Variants in SOX5 observed in about 807,000 individuals in gnomAD.
SOX5 encodes the protein transcription factor SOX-5.
A neutral mutation model predicts 92.0 loss-of-function variants in SOX5; 9 were observed. The observed-to-expected ratio is 0.10, with a 90% confidence interval of 0.06 to 0.17. The LOEUF (loss-of-function observed/expected upper bound fraction) is 0.17. Ranked by LOEUF, SOX5 falls within the 10% of genes least tolerant of loss-of-function variation. The probability of loss-of-function intolerance (pLI) is 1.00; values close to 1 mark genes in which losing one functional copy is unlikely to be tolerated. For synonymous variants in SOX5, 344 were observed against 336.3 expected (o/e 1.02, Z -0.25); for missense variants, 642 against 944.5 (o/e 0.68, Z 4.20).
At chr12:24,248,552 T>G (rs1437787025) in intron 3 of SOX5, among the ~76,000 whole-genome samples, 1 of 152,144 alleles carries the variant, frequency 6.6e-6, no homozygotes, top group Non-Finnish European at 1.5e-5. Flanking sequence ...GCTCGGCTAA[T>G]TTTTATATTT....
chr12:24,380,166 G>A (rs561003650), intron 1 of SOX5, among the ~76,000 whole-genome samples: 3 of 152,260 alleles, frequency 2.0e-5, no homozygotes, highest in Admixed American at 6.5e-5. Flanking sequence ...TAATTGTTTC[G>A]AAACAACAGA....
chr12:23,852,840 A>G (rs986065375), intron 2 of SOX5, among the ~76,000 whole-genome samples: 1 of 152,122 alleles, frequency 6.6e-6, no homozygotes, highest in East Asian at 1.9e-4. Context: ...TCAGATGTTC[A>G]GGAGGTGGAG....
intron 4 of SOX5, among the ~76,000 whole-genome samples, chr12:24,161,776 G>A (rs1952784055): frequency 6.6e-6 from 1 of 152,008 alleles, no homozygotes; most frequent in Admixed American, 6.6e-5. Flanking sequence ...TGAGGGTCCA[G>A]GGAAAAGGGA....
chr12:23,755,590 C>T, intron 4 of SOX5, 48 bp downstream of exon 4: 5 of 1,330,786 alleles, frequency 3.8e-6, no homozygotes, highest in Non-Finnish European at 5.3e-6. Context: ...TTCTGAATAT[C>T]AACTTCATTT....
At chr12:23,938,066 A>G (rs770330155) in intron 1 of SOX5, among the ~76,000 whole-genome samples, 1 of 150,910 alleles carries the variant, frequency 6.6e-6, no homozygotes, top group Non-Finnish European at 1.5e-5. Context: ...GCAGCATTTT[A>G]GACAACTGGC....
intron 11 of SOX5, among the ~76,000 whole-genome samples, chr12:23,556,110 C>T (rs749699312): frequency 3.9e-5 from 6 of 152,102 alleles, no homozygotes. Context: ...GTTTTCCTCT[C>T]CCCTCCTGTC....
intron 9 of SOX5, among the ~76,000 whole-genome samples, chr12:23,593,760 T>C (rs1240067127): frequency 6.6e-6 from 1 of 152,114 alleles, no homozygotes; most frequent in East Asian, 1.9e-4. Context: ...TTGGTGTTTT[T>C]CTTTGTTAAG....
intron 1 of SOX5, among the ~76,000 whole-genome samples, chr12:23,916,034 TA>T: frequency 6.6e-6 from 1 of 152,228 alleles, no homozygotes; most frequent in African/African-American, 2.4e-5. Flanking sequence ...ACCATGAGGT[TA>T]AACCCAAAAA....
chr12:24,130,531 G>C (rs1213634748), intron 4 of SOX5, among the ~76,000 whole-genome samples: 1 of 152,120 alleles, frequency 6.6e-6, no homozygotes, highest in Non-Finnish European at 1.5e-5. Flanking sequence ...TCATTTCAAT[G>C]AATGAAGTTG....
At chr12:24,416,761 G>T (rs1039073761) in intron 1 of SOX5, among the ~76,000 whole-genome samples, 1 of 152,196 alleles carries the variant, frequency 6.6e-6, no homozygotes, top group African/African-American at 2.4e-5. Context: ...ATGTAGCAAA[G>T]TTGTTACTAG....
At chr12:23,608,308 T>C (rs988125960) in intron 8 of SOX5, among the ~76,000 whole-genome samples, 6 of 152,064 alleles carry the variant, frequency 3.9e-5, no homozygotes, top group African/African-American at 1.4e-4. Context: ...AGTCTTTCTA[T>C]TGCTTAAAAC....
chr12:24,090,106 G>A lies in SOX5; in HGVS notation c.-2+123237C>T, dbSNP rs897454853. 2.6e-5 allele frequency among the ~76,000 whole-genome samples: 4 copies of A among 151,998 alleles called. No individual in the cohort carries two copies. In the East Asian group the frequency reaches 7.7e-4, roughly 29 times the overall value. Reference sequence around the variant, plus strand: ...AGCATTGTAACATTTCATTTAAAATGTCTAGAAATCCCCAGAATATGGAGA... The same window carrying A: ...AGCATTGTAACATTTCATTTAAAATATCTAGAAATCCCCAGAATATGGAGA... On this transcript the variant is annotated intron_variant, in intron 4 of 4. Coordinates refer to the SOX5 transcript ENST00000446891.
At chr12:24,253,171 G>T (rs895036318) in intron 3 of SOX5, among the ~76,000 whole-genome samples, 4 of 151,994 alleles carry the variant, frequency 2.6e-5, no homozygotes, top group African/African-American at 9.7e-5. Flanking sequence ...GCGTATTCCT[G>T]CCAAGCTGCT....
intron 7 of SOX5, 75 bp downstream of exon 7, chr12:23,665,368 TG>T: frequency 6.8e-7 from 1 of 1,481,336 alleles, no homozygotes. Context: ...TTTCTTGGTG[TG>T]GCAGGAATAT....
At chr12:24,274,928 G>T (rs1944258726) in intron 3 of SOX5, among the ~76,000 whole-genome samples, 1 of 152,130 alleles carries the variant, frequency 6.6e-6, no homozygotes, top group African/African-American at 2.4e-5. Flanking sequence ...CTGAACTGTA[G>T]CACGGTACCT....
chr12:23,589,893 A>T (rs1951282576), intron 9 of SOX5, among the ~76,000 whole-genome samples: 1 of 152,158 alleles, frequency 6.6e-6, no homozygotes, highest in Non-Finnish European at 1.5e-5. Context: ...GCTAAGGATG[A>T]TTAAGCTATA....
intron 14 of SOX5, 41 bp downstream of exon 14, chr12:23,536,412 G>A (rs138771914): frequency 1.1e-4 from 164 of 1,468,558 alleles, no homozygotes; most frequent in Non-Finnish European, 1.4e-4. Context: ...AAGTATAACA[G>A]GAAGTTTGCC....
chr12:24,071,135 T>C (rs1333338287), intron 4 of SOX5, among the ~76,000 whole-genome samples: 2 of 152,252 alleles, frequency 1.3e-5, no homozygotes, highest in Non-Finnish European at 2.9e-5. Flanking sequence ...TGTAAAATTC[T>C]GCATTTATTA....
At chr12:23,850,787 G>A (rs948550575) in intron 2 of SOX5, among the ~76,000 whole-genome samples, 7 of 152,082 alleles carry the variant, frequency 4.6e-5, no homozygotes, top group African/African-American at 1.7e-4. Context: ...TGGGACTACC[G>A]ATCCCTTGAA....
Sources: allele counts gnomAD v4.1 joint callset (sites outside exome capture counted in the v4.1 genomes callset), GRCh38; gene constraint gnomAD v4.1.1; transcripts MANE v1.5; gene names NCBI Gene and HGNC (gene_info 2026-07-23, HGNC 2026-07-21).